Variants in GAP43 observed in about 807,000 individuals in gnomAD.
GAP43 encodes growth associated protein 43, also known as neuromodulin.
Under a neutral mutation model 18.6 loss-of-function variants are expected in GAP43, and 6 were observed. The ratio of observed to expected loss-of-function variants is 0.32; its 90% confidence interval spans 0.18 to 0.64. The LOEUF (loss-of-function observed/expected upper bound fraction) is 0.64, where lower values mean the gene tolerates loss of function less well. GAP43 is among the 30% of genes least tolerant of loss of function. The probability of loss-of-function intolerance (pLI) is 0.78; values close to 1 mark genes in which losing one functional copy is unlikely to be tolerated. For missense variants in GAP43, 292 were observed against 295.5 expected (o/e 0.99, Z 0.09); for synonymous variants, 115 against 111.4 (o/e 1.03, Z -0.20).
At chr3:115,664,001 AAATTACTT>A in intron 1 of GAP43, 1 of 1,278,248 alleles carries the variant, frequency 7.8e-7, no homozygotes, top group Non-Finnish European at 1.1e-6. Context: ...GACTTTGAGC[AAATTACTT>A]AATTACTTAA....
At chr3:115,653,286 A>C (rs1489218017) in intron 1 of GAP43, among the ~76,000 whole-genome samples, 1 of 151,928 alleles carries the variant, frequency 6.6e-6, no homozygotes, top group Non-Finnish European at 1.5e-5. Flanking sequence ...CTAAAATTAC[A>C]AAAAAATTAG....
At chr3:115,681,987 C>G (rs1422224036) in intron 2 of GAP43, among the ~76,000 whole-genome samples, 1 of 152,148 alleles carries the variant, frequency 6.6e-6, no homozygotes, top group Non-Finnish European at 1.5e-5. Context: ...AGAGGAATGT[C>G]TAAGGACCCC....
At chr3:115,655,921 G>A (rs1359827117) in intron 1 of GAP43, among the ~76,000 whole-genome samples, 1 of 152,146 alleles carries the variant, frequency 6.6e-6, no homozygotes, top group East Asian at 1.9e-4. Flanking sequence ...GATTTTTCAG[G>A]CCTGGGATGG....
intron 1 of GAP43, among the ~76,000 whole-genome samples, chr3:115,669,507 G>A (rs1708782908): frequency 6.6e-6 from 1 of 152,156 alleles, no homozygotes; most frequent in Non-Finnish European, 1.5e-5. Context: ...AAATAGACAA[G>A]GTACTTCTCA....
intron 2 of GAP43, among the ~76,000 whole-genome samples, chr3:115,717,837 C>G (rs1227311646): frequency 6.6e-6 from 1 of 152,068 alleles, no homozygotes; most frequent in South Asian, 2.1e-4. Flanking sequence ...TTCATAATTT[C>G]CTGTCATAAT....
intron 1 of GAP43, among the ~76,000 whole-genome samples, chr3:115,633,061 A>G (rs953809890): frequency 3.3e-5 from 5 of 152,154 alleles, no homozygotes; most frequent in African/African-American, 1.2e-4. Context: ...AGTAAGTTGA[A>G]CAACGAAGCC....
chr3:115,624,201 A>C (rs560151315), intron 1 of GAP43, among the ~76,000 whole-genome samples: 4 of 152,284 alleles, frequency 2.6e-5, no homozygotes, highest in Admixed American at 1.3e-4. Flanking sequence ...TCGTGCATGC[A>C]TGAGCTTCGA....
intron 2 of GAP43, among the ~76,000 whole-genome samples, chr3:115,694,812 C>G (rs142343785): frequency 6.6e-6 from 1 of 152,250 alleles, no homozygotes; most frequent in East Asian, 1.9e-4. Context: ...ATGAAACATT[C>G]TGGTTTATCA....
In GAP43 at chr3:115,707,781, G is replaced by A. The variant is rs115431113; in HGVS notation, c.629-13013G>A. Among the ~76,000 whole-genome samples the A allele has an allele frequency of 6.2e-3, 949 of 152,244 alleles. 8 individuals carry two copies. The highest frequency in any genetic ancestry group is 0.022 in the African/African-American group (909 of 41,544). ...AGTTAGCAAAAAAATGGAGAATGAT[G>A]GGATAATGATTTTCATGGCTATGAA... On this transcript the variant is annotated intron_variant, in intron 2 of 2. Coordinates refer to ENST00000305124, the MANE Select transcript of GAP43 (RefSeq NM_002045.4).
chr3:115,686,439 A>G (rs1341566147), intron 2 of GAP43, among the ~76,000 whole-genome samples: 1 of 152,174 alleles, frequency 6.6e-6, no homozygotes, highest in African/African-American at 2.4e-5. Context: ...TAGAAAAGCA[A>G]TTGCTACTGA....
At chr3:115,656,252 C>T (rs564769504) in intron 1 of GAP43, among the ~76,000 whole-genome samples, 4 of 152,090 alleles carry the variant, frequency 2.6e-5, no homozygotes, top group Non-Finnish European at 4.4e-5. Flanking sequence ...TGTGGGATAG[C>T]GGCTGCTGGG....
chr3:115,624,143 C>T (rs1708152947), intron 1 of GAP43, among the ~76,000 whole-genome samples: 1 of 151,980 alleles, frequency 6.6e-6, no homozygotes, highest in East Asian at 1.9e-4. Context: ...TGAGTATTGC[C>T]TCTCTGTCAT....
chr3:115,646,561 AAG>A (rs1708459832), intron 1 of GAP43, among the ~76,000 whole-genome samples: 2 of 152,082 alleles, frequency 1.3e-5, no homozygotes, highest in South Asian at 4.1e-4. Context: ...GCTCTAATGA[AAG>A]AGAAAAAGAG....
chr3:115,694,910 GAAGTA>G (rs1336602796), intron 2 of GAP43, among the ~76,000 whole-genome samples: 22 of 152,162 alleles, frequency 1.4e-4, no homozygotes, highest in African/African-American at 4.8e-4. Context: ...CACAACATTA[GAAGTA>G]TAGTAATCAT....
Position 115,676,343 on chromosome 3 carries a change from G to C in GAP43, c.361G>C (p.Glu121Gln), listed in dbSNP as rs1708886168. Residue 121 changes from glutamate (E) to glutamine (Q), a missense_variant, in exon 2 of 3, where the codon GAG becomes CAG. Physicochemically the swap from Glu to Gln is conservative, Grantham distance 29 (BLOSUM62 2). Coordinates refer to ENST00000305124, the MANE Select transcript of GAP43 (RefSeq NM_002045.4). Reference protein sequence around the residue: ...EKKGEGDAATEQAAPQAPASS... With the variant: ...EKKGEGDAATQQAAPQAPASS... ...GAAGGGGGAGGGTGATGCTGCCACA[G>C]AGCAGGCAGCCCCCCAGGCTCCTGC... is the stretch of plus-strand genomic sequence containing the variant. The C allele has an allele frequency of 1.2e-6, 2 of 1,614,018 alleles. No homozygotes were observed. The highest frequency in any genetic ancestry group is 8.5e-7 in the Non-Finnish European group (1 of 1,179,994).
intron 2 of GAP43, among the ~76,000 whole-genome samples, chr3:115,713,710 C>G (rs372315782): frequency 6.6e-6 from 1 of 152,226 alleles, no homozygotes; most frequent in Admixed American, 6.5e-5. Context: ...ATACATCTTT[C>G]AAGGACCACT....
intron 2 of GAP43, among the ~76,000 whole-genome samples, chr3:115,718,493 G>T (rs917294752): frequency 2.0e-5 from 3 of 152,136 alleles, no homozygotes; most frequent in African/African-American, 7.2e-5. Flanking sequence ...GTATTATAAT[G>T]ATCAGAATTG....
At chr3:115,641,025 GTTTTTTTTTTTCT>G (rs1708388378) in intron 1 of GAP43, among the ~76,000 whole-genome samples, 1 of 49,008 alleles carries the variant, frequency 2.0e-5, no homozygotes, top group Non-Finnish European at 4.5e-5. Context: ...GCTTTATTCT[GTTTTTTTTTTTCT>G]TTTTTTTTTT....
intron 1 of GAP43, among the ~76,000 whole-genome samples, chr3:115,650,735 T>A (rs1012590117): frequency 8.6e-5 from 13 of 151,232 alleles, no homozygotes; most frequent in African/African-American, 2.7e-4. Context: ...CTATAATTTT[T>A]AAAATCATAC....
Sources: gnomAD v4.1 joint callset for allele counts (sites outside exome capture counted in the v4.1 genomes callset) on GRCh38, gnomAD v4.1.1 for gene constraint, MANE v1.5 for transcripts, NCBI Gene and HGNC (gene_info 2026-07-23, HGNC 2026-07-21) for gene names.